TAS2R1: variants seen among roughly 807,000 people sequenced by gnomAD.
The protein encoded by TAS2R1 is taste 2 receptor member 1.
For missense variants in TAS2R1, 370 were observed against 353.4 expected, an observed-to-expected ratio of 1.05 and a Z score of -0.38; for synonymous variants, 141 against 134.2, an observed-to-expected ratio of 1.05 and a Z score of -0.35.
intron 1 of TAS2R1, among the ~76,000 whole-genome samples, chr5:9,661,408 G>A (rs1349844278): frequency 6.6e-6 from 1 of 152,166 alleles, no homozygotes; most frequent in African/African-American, 2.4e-5. Flanking sequence ...ACACAATCCT[G>A]AAGGTGAATG....
At chr5:9,780,634 G>A in the TAS2R1 span, among the ~76,000 whole-genome samples, 1 of 152,094 alleles carries the variant, frequency 6.6e-6, no homozygotes, top group Non-Finnish European at 1.5e-5. Flanking sequence ...AATTCTATCT[G>A]TACCAGTCAA....
chr5:9,820,622 G>A, the TAS2R1 span, among the ~76,000 whole-genome samples: 1 of 152,018 alleles, frequency 6.6e-6, no homozygotes, highest in Non-Finnish European at 1.5e-5. Context: ...TGAAAACCCG[G>A]CCTGAGAGAC....
the TAS2R1 span, among the ~76,000 whole-genome samples, chr5:9,857,358 T>C: frequency 6.6e-6 from 1 of 152,214 alleles, no homozygotes; most frequent in Non-Finnish European, 1.5e-5. Flanking sequence ...GATATCTCAA[T>C]TACCCTGATT....
chr5:9,746,579 T>G, the TAS2R1 span, among the ~76,000 whole-genome samples: 1 of 152,186 alleles, frequency 6.6e-6, no homozygotes, highest in East Asian at 1.9e-4. Flanking sequence ...TGGAATACTG[T>G]GCAGCCATAA....
chr5:9,828,354 G>GACCTCAGGTGATCTGCCC, the TAS2R1 span, among the ~76,000 whole-genome samples: 1 of 152,120 alleles, frequency 6.6e-6, no homozygotes, highest in Non-Finnish European at 1.5e-5. Flanking sequence ...TCGAGCTCCT[G>GACCTCAGGTGATCTGCCC]ACCTCAGGTG....
intron 2 of TAS2R1, among the ~76,000 whole-genome samples, chr5:9,638,512 G>T (rs371479954): frequency 6.6e-6 from 1 of 152,216 alleles, no homozygotes; most frequent in African/African-American, 2.4e-5. Flanking sequence ...TGGGGTCAGG[G>T]TTATTCTGTC....
At chr5:9,884,475 A>T in the TAS2R1 span, among the ~76,000 whole-genome samples, 1 of 14,368 alleles carries the variant, frequency 7.0e-5, no homozygotes, top group Non-Finnish European at 2.0e-4. Context: ...CTCTGACTTA[A>T]AAAAAAAAAA....
the TAS2R1 span, among the ~76,000 whole-genome samples, chr5:9,778,069 A>C: frequency 2.0e-5 from 3 of 151,978 alleles, no homozygotes; most frequent in South Asian, 2.1e-4. Context: ...TTTAGTAGAG[A>C]CAGGGTTTCA....
At chr5:9,822,510 T>C in the TAS2R1 span, among the ~76,000 whole-genome samples, 3 of 151,978 alleles carry the variant, frequency 2.0e-5, no homozygotes, top group Non-Finnish European at 2.9e-5. Flanking sequence ...CCACCACGCC[T>C]GGCTAATTTT....
intron 2 of TAS2R1, among the ~76,000 whole-genome samples, chr5:9,655,061 A>G (rs752939772): frequency 1.3e-5 from 2 of 152,216 alleles, no homozygotes; most frequent in African/African-American, 2.4e-5. Context: ...AGAATGCACT[A>G]TATGACTACA....
At chr5:9,837,298 G>C in the TAS2R1 span, among the ~76,000 whole-genome samples, 2 of 152,160 alleles carry the variant, frequency 1.3e-5, no homozygotes, top group African/African-American at 4.8e-5. Context: ...CTCTCTGTAG[G>C]CTGGTTATGG....
At chr5:9,848,633 T>A in the TAS2R1 span, among the ~76,000 whole-genome samples, 6 of 152,328 alleles carry the variant, frequency 3.9e-5, no homozygotes, top group African/African-American at 1.4e-4. Flanking sequence ...GATGATACCA[T>A]GTTAATTAGC....
chr5:9,813,427 C>A, the TAS2R1 span, among the ~76,000 whole-genome samples: 1 of 152,154 alleles, frequency 6.6e-6, no homozygotes, highest in Non-Finnish European at 1.5e-5. Flanking sequence ...TATGTATGAA[C>A]CTCCTGGCCC....
the TAS2R1 span, among the ~76,000 whole-genome samples, chr5:9,792,223 T>C: frequency 6.6e-6 from 1 of 152,192 alleles, no homozygotes; most frequent in Non-Finnish European, 1.5e-5. Context: ...TAGGTGTTCA[T>C]ATCACAGAAA....
chr5:9,784,450 G>C, the TAS2R1 span, among the ~76,000 whole-genome samples: 6 of 152,214 alleles, frequency 3.9e-5, no homozygotes, highest in Non-Finnish European at 8.8e-5. Context: ...AGTGTGCCCA[G>C]CACACTGGCA....
upstream of TAS2R1, among the ~76,000 whole-genome samples, chr5:9,716,170 C>T (rs1483412472): frequency 2.6e-5 from 4 of 152,132 alleles, no homozygotes; most frequent in Non-Finnish European, 5.9e-5. Flanking sequence ...TTCAACCAGC[C>T]TGGTCACTGG....
At chr5:9,655,280 T>C (rs1347995862) in intron 2 of TAS2R1, among the ~76,000 whole-genome samples, 8 of 152,214 alleles carry the variant, frequency 5.3e-5, no homozygotes, top group Admixed American at 5.2e-4. Flanking sequence ...ACAAACTTTA[T>C]AAGTCTCTTA....
intron 1 of TAS2R1, among the ~76,000 whole-genome samples, chr5:9,673,677 A>T (rs977325935): frequency 2.0e-5 from 3 of 151,576 alleles, no homozygotes; most frequent in Non-Finnish European, 2.9e-5. Flanking sequence ...GAAAAAGGGG[A>T]ATGAAAAAGT....
intron 1 of TAS2R1, among the ~76,000 whole-genome samples, chr5:9,676,489 T>G (rs1740878407): frequency 6.6e-6 from 1 of 152,152 alleles, no homozygotes; most frequent in Admixed American, 6.6e-5. Flanking sequence ...TGGAGCAAAT[T>G]TAATTCAACG....
Sources: gnomAD v4.1 joint callset for allele counts (sites outside exome capture counted in the v4.1 genomes callset) on GRCh38, gnomAD v4.1.1 for gene constraint, MANE v1.5 for transcripts, NCBI Gene and HGNC (gene_info 2026-07-23, HGNC 2026-07-21) for gene names.